THSD7B: variants seen among roughly 807,000 people sequenced by gnomAD.
THSD7B encodes thrombospondin type 1 domain containing 7B, also known as thrombospondin type-1 domain-containing protein 7B.
Under a neutral mutation model 213.6 loss-of-function variants are expected in THSD7B, and 138 were observed. That is an observed-to-expected ratio of 0.65 (90% CI 0.56 to 0.74). THSD7B has a LOEUF of 0.74. Among genes scored for constraint, THSD7B ranks in the 30% least tolerant of loss-of-function variants. The pLI is 0.00. For missense variants in THSD7B, 1,931 were observed against 1,991.5 expected, an observed-to-expected ratio of 0.97 and a Z score of 0.58; for synonymous variants, 742 against 687.0, an observed-to-expected ratio of 1.08 and a Z score of -1.25.
chr2:137,250,205 A>G lies in THSD7B; in HGVS notation c.2266+7633A>G, dbSNP rs544756185. On this transcript the variant is annotated intron_variant, in intron 10 of 27. Transcript: ENST00000409968. ...TTCCTATTAAATTTATAATAGCTAT[A>G]ATTTATATGCATTACTCTATTTGAT... 1.2e-3 allele frequency among the ~76,000 whole-genome samples: 180 copies of G among 152,308 alleles called. 1 individual carries two copies. The highest frequency in any genetic ancestry group is 4.2e-3 in the African/African-American group (173 of 41,568).
chr2:137,442,939 A>G (rs1330150013), intron 14 of THSD7B, among the ~76,000 whole-genome samples: 1 of 152,118 alleles, frequency 6.6e-6, no homozygotes, highest in Non-Finnish European at 1.5e-5. Context: ...ATATTGGGTT[A>G]TTTAAATCTG....
chr2:137,128,759 C>T (rs1266433813), intron 5 of THSD7B, among the ~76,000 whole-genome samples: 4 of 152,164 alleles, frequency 2.6e-5, no homozygotes, highest in Non-Finnish European at 5.9e-5. Flanking sequence ...TCTCTACTAA[C>T]TTACACTGAC....
intron 2 of THSD7B, among the ~76,000 whole-genome samples, chr2:137,033,471 T>C (rs1287432589): frequency 2.0e-5 from 3 of 152,152 alleles, no homozygotes; most frequent in Admixed American, 6.5e-5. Context: ...AGTAAAGAGA[T>C]TGTCAGCCCA....
chr2:136,853,717 G>A (rs778203), intron 1 of THSD7B, among the ~76,000 whole-genome samples: 5 of 152,078 alleles, frequency 3.3e-5, no homozygotes, highest in Admixed American at 6.5e-5. Context: ...TACCACTATT[G>A]TAATTGCCAA....
intron 3 of THSD7B, among the ~76,000 whole-genome samples, chr2:137,084,670 G>C (rs982180069): frequency 1.3e-5 from 2 of 152,112 alleles, no homozygotes; most frequent in African/African-American, 4.8e-5. Context: ...GGGTGAACTT[G>C]AAAGCCACAT....
intron 9 of THSD7B, among the ~76,000 whole-genome samples, chr2:137,241,725 A>G (rs1681909855): frequency 6.6e-6 from 1 of 152,100 alleles, no homozygotes; most frequent in African/African-American, 2.4e-5. Flanking sequence ...ATCCTGGTTA[A>G]CATGGTGAAA....
At chr2:137,242,627 C>A in intron 10 of THSD7B, 55 bp downstream of exon 10, 1 of 1,336,422 alleles carries the variant, frequency 7.5e-7, no homozygotes, top group Non-Finnish European at 1.1e-6. Flanking sequence ...TGTTTCTCCA[C>A]ATCTAAGTAA....
At chr2:137,170,097 T>C (rs1332585475) in intron 6 of THSD7B, among the ~76,000 whole-genome samples, 1 of 152,124 alleles carries the variant, frequency 6.6e-6, no homozygotes. Context: ...GCATGTAAAA[T>C]ACATCTATGT....
intron 16 of THSD7B, among the ~76,000 whole-genome samples, chr2:137,564,257 A>T (rs1366223815): frequency 6.6e-6 from 1 of 152,212 alleles, no homozygotes; most frequent in Non-Finnish European, 1.5e-5. Context: ...TAGTTATGTC[A>T]TTGATTGTTA....
intron 7 of THSD7B, among the ~76,000 whole-genome samples, chr2:137,191,173 G>C (rs1002317669): frequency 1.3e-5 from 2 of 152,168 alleles, no homozygotes; most frequent in Admixed American, 1.3e-4. Context: ...ATGGCAAGCA[G>C]GTGTATTGCT....
At chr2:137,505,382 C>T (rs931499090) in intron 15 of THSD7B, among the ~76,000 whole-genome samples, 4 of 152,182 alleles carry the variant, frequency 2.6e-5, no homozygotes, top group African/African-American at 7.2e-5. Flanking sequence ...ATGGCACTGG[C>T]CCCTGGACCA....
intron 12 of THSD7B, among the ~76,000 whole-genome samples, chr2:137,309,446 A>C (rs1683838000): frequency 6.6e-6 from 1 of 151,312 alleles, no homozygotes. Flanking sequence ...TTATGAACTT[A>C]TTTGTTTTTT....
intron 2 of THSD7B, among the ~76,000 whole-genome samples, chr2:136,990,286 G>A (rs1685752220): frequency 6.6e-6 from 1 of 152,220 alleles, no homozygotes; most frequent in African/African-American, 2.4e-5. Flanking sequence ...CTTCAGTAAT[G>A]TGAGGGGCAG....
intron 12 of THSD7B, among the ~76,000 whole-genome samples, chr2:137,316,516 C>T (rs568369794): frequency 1.3e-5 from 2 of 152,196 alleles, no homozygotes; most frequent in South Asian, 2.1e-4. Flanking sequence ...TGGCTCACGC[C>T]TGTAATCCCA....
intron 4 of THSD7B, among the ~76,000 whole-genome samples, chr2:137,102,949 T>C (rs1032148099): frequency 1.3e-5 from 2 of 152,064 alleles, no homozygotes; most frequent in Non-Finnish European, 2.9e-5. Context: ...TGGAACCAAG[T>C]TGGAAAACAC....
At chr2:137,330,483 C>G (rs995595017) in intron 12 of THSD7B, among the ~76,000 whole-genome samples, 1 of 152,152 alleles carries the variant, frequency 6.6e-6, no homozygotes, top group African/African-American at 2.4e-5. Flanking sequence ...TAAGGTGGCA[C>G]GTCTGGAGTT....
chr2:136,823,237 A>C (rs949757995), intron 1 of THSD7B, among the ~76,000 whole-genome samples: 6 of 152,220 alleles, frequency 3.9e-5, no homozygotes, highest in Admixed American at 2.0e-4. Flanking sequence ...TCTTAGTACT[A>C]ACGTCCAGAA....
At chr2:136,804,015 A>C (rs917472192) in intron 1 of THSD7B, among the ~76,000 whole-genome samples, 12 of 152,156 alleles carry the variant, frequency 7.9e-5, no homozygotes, top group Admixed American at 2.6e-4. Context: ...TCTCTTGGAA[A>C]CACCATCACA....
intron 21 of THSD7B, among the ~76,000 whole-genome samples, chr2:137,643,878 T>C (rs1474217824): frequency 2.1e-4 from 32 of 152,210 alleles, no homozygotes; most frequent in Non-Finnish European, 7.3e-5. Flanking sequence ...TACTGTACCT[T>C]ACCTGTTTTT....
Sources: gnomAD v4.1 joint callset for allele counts (sites outside exome capture counted in the v4.1 genomes callset) on GRCh38, gnomAD v4.1.1 for gene constraint, MANE v1.5 for transcripts, NCBI Gene and HGNC (gene_info 2026-07-23, HGNC 2026-07-21) for gene names.